Variants in TBL1Y observed in about 807,000 individuals in gnomAD.
TBL1Y encodes F-box-like/WD repeat-containing protein TBL1Y.
TBL1Y carries 15 observed loss-of-function variants against 12.0 expected under a neutral mutation model. The observed-to-expected ratio is 1.25, with a 90% confidence interval of 0.83 to 1.92. The LOEUF (loss-of-function observed/expected upper bound fraction) is 1.92, where lower values mean the gene tolerates loss of function less well. Ranked by LOEUF, TBL1Y falls within the 40% of genes most tolerant of loss-of-function variation. The probability of loss-of-function intolerance (pLI) is 0.00; values close to 1 mark genes in which losing one functional copy is unlikely to be tolerated. For missense variants in TBL1Y, 148 were observed against 116.7 expected (o/e 1.27, Z -1.24); for synonymous variants, 53 against 42.6 (o/e 1.24, Z -0.95).
At chrY:6,981,753 G>A in intron 3 of TBL1Y, among the ~76,000 whole-genome samples, 1 of 32,569 alleles carries the variant, frequency 3.1e-5, no homozygotes, top group African/African-American at 1.2e-4. Context: ...GGGTGTTGGT[G>A]GAGAAAGGAA....
Position 7,070,261 on chromosome Y carries a change from C to T in TBL1Y, c.523C>T (p.Leu175Phe). Residue 175 changes from leucine (L) to phenylalanine (F), a missense_variant, in exon 9 of 19, where the codon CTT (leucine) becomes TTT (phenylalanine). Transcript: ENST00000383032. ...GATTCCACCCAACAAAGCCACAGTC[C>T]TTCGGGGCCACGAGTCTGAGGTGTT... ...VEIPPNKATV[L>F]RGHESEVFIC... The T allele has an allele frequency of 2.5e-6, 1 of 397,872 alleles. No individual in the cohort carries two copies. The highest frequency in any genetic ancestry group is 3.5e-6 in the Non-Finnish European group (1 of 283,141).
chrY:7,066,620 C>T lies in TBL1Y; in HGVS notation c.457+2471C>T, dbSNP rs2124180602. 1.5e-4 allele frequency among the ~76,000 whole-genome samples: 5 copies of T among 33,080 alleles called. No individual in the cohort carries two copies. In the East Asian group the frequency reaches 4.0e-3, roughly 26 times the overall value. 88.8% of individuals were successfully genotyped at this position (33,080 alleles called of 37,273 possible). ...ACCTCAGGTGATCTGCCTGTCTCAG[C>T]TTCCCAAAGTGCTGGAATTACCGGC... On this transcript the variant is annotated intron_variant, in intron 8 of 18. Coordinates refer to ENST00000383032, the MANE Select transcript of TBL1Y (RefSeq NM_033284.2).
chrY:6,957,647 GA>G (rs2012078387), intron 2 of TBL1Y, among the ~76,000 whole-genome samples: 1 of 33,420 alleles, frequency 3.0e-5, no homozygotes, highest in Non-Finnish European at 7.4e-5. Flanking sequence ...CCAGAGGAAA[GA>G]AAAATGCAAT....
intron 4 of TBL1Y, among the ~76,000 whole-genome samples, chrY:7,012,382 A>G: frequency 3.0e-5 from 1 of 33,873 alleles, no homozygotes; most frequent in African/African-American, 1.2e-4. Flanking sequence ...GGAAAATTCT[A>G]TTAATAGGTA....
At chrY:6,933,189 C>T (rs1042247802) in intron 2 of TBL1Y, among the ~76,000 whole-genome samples, 2 of 33,762 alleles carry the variant, frequency 5.9e-5, no homozygotes, top group African/African-American at 1.2e-4. Context: ...CATGAGCCAC[C>T]GCTCCTGGCC....
At chrY:6,990,747 C>T (rs770954545) in intron 3 of TBL1Y, among the ~76,000 whole-genome samples, 4 of 30,369 alleles carry the variant, frequency 1.3e-4, no homozygotes, top group Non-Finnish European at 2.4e-4. Flanking sequence ...TTAGTAGAAA[C>T]GGGATTTCAC....
intron 2 of TBL1Y, among the ~76,000 whole-genome samples, chrY:6,965,944 A>G: frequency 8.8e-5 from 3 of 33,954 alleles, no homozygotes; most frequent in Non-Finnish European, 2.2e-4. Context: ...TGGGAGCCCA[A>G]GATATTTTTC....
chrY:7,021,994 C>T, intron 5 of TBL1Y, among the ~76,000 whole-genome samples: 2 of 33,186 alleles, frequency 6.0e-5, no homozygotes, highest in African/African-American at 2.4e-4. Flanking sequence ...TGCTAGTTAA[C>T]CGTGAAACTT....
chrY:7,025,065 C>T lies in TBL1Y; in HGVS notation c.-20C>T. The T allele has an allele frequency of 7.6e-6, 3 of 393,369 alleles. No homozygotes were observed. The highest frequency in any genetic ancestry group is 1.9e-4 in the East Asian group (2 of 10,773). ...GGTTCCAACTTCATCAATACCTCAT[C>T]GCCATGAGGTGAGGCTAAGATGAGC... On this transcript the variant is annotated 5_prime_UTR_variant, in exon 6 of 19. Coordinates refer to ENST00000383032, the MANE Select transcript of TBL1Y (RefSeq NM_033284.2).
chrY:6,951,324 G>T (rs2012022963), intron 2 of TBL1Y, among the ~76,000 whole-genome samples: 21 of 33,025 alleles, frequency 6.4e-4, no homozygotes, highest in Non-Finnish European at 1.5e-3. Context: ...ACTTTTTTTG[G>T]TTGGTAAGCT....
intron 2 of TBL1Y, among the ~76,000 whole-genome samples, chrY:6,915,738 C>T: frequency 3.0e-5 from 1 of 33,417 alleles, no homozygotes; most frequent in Admixed American, 2.7e-4. Flanking sequence ...ATTCTCTGCC[C>T]CACTCCTGCT....
At chrY:6,947,660 A>T in intron 2 of TBL1Y, among the ~76,000 whole-genome samples, 1 of 33,987 alleles carries the variant, frequency 2.9e-5, no homozygotes, top group African/African-American at 1.1e-4. Flanking sequence ...TGCTAAAGAC[A>T]AATGATGGGA....
At chrY:6,956,328 G>T (rs928686081) in intron 2 of TBL1Y, among the ~76,000 whole-genome samples, 13 of 33,124 alleles carry the variant, frequency 3.9e-4, no homozygotes, top group Admixed American at 3.5e-3. Context: ...CTGGAGTCAT[G>T]GGCCATAGTC....
chrY:6,976,079 T>G (rs2012238510), intron 2 of TBL1Y, among the ~76,000 whole-genome samples: 1 of 32,395 alleles, frequency 3.1e-5, no homozygotes, highest in Admixed American at 2.9e-4. Flanking sequence ...ATTACAGGTG[T>G]GTGCCACCAT....
intron 4 of TBL1Y, among the ~76,000 whole-genome samples, chrY:7,000,470 C>G: frequency 2.7e-4 from 9 of 33,690 alleles, no homozygotes; most frequent in African/African-American, 1.0e-3. Flanking sequence ...TGCTGATTCC[C>G]CAATTCTTGT....
intron 6 of TBL1Y, among the ~76,000 whole-genome samples, chrY:7,031,438 T>A (rs1046405110): frequency 1.5e-4 from 5 of 32,778 alleles, no homozygotes; most frequent in Non-Finnish European, 3.7e-4. Context: ...GTTGAGTGAG[T>A]GGTTCTTGTC....
At chrY:6,966,342 A>G in intron 2 of TBL1Y, among the ~76,000 whole-genome samples, 1 of 33,184 alleles carries the variant, frequency 3.0e-5, no homozygotes, top group Non-Finnish European at 7.4e-5. Flanking sequence ...AGCATGAGCC[A>G]CGGTGCCTCG....
chrY:7,048,640 T>C (rs967758150), intron 7 of TBL1Y, among the ~76,000 whole-genome samples: 34 of 30,969 alleles, frequency 1.1e-3, no homozygotes, highest in Non-Finnish European at 1.8e-3. Flanking sequence ...TAGCTAGGGG[T>C]GTGGCCAACT....
chrY:7,013,252 A>G, intron 4 of TBL1Y, among the ~76,000 whole-genome samples: 1 of 33,540 alleles, frequency 3.0e-5, no homozygotes, highest in South Asian at 6.8e-4. Context: ...CTACAACCCC[A>G]GCCTGCATGC....
Sources: gnomAD v4.1 joint callset for allele counts (sites outside exome capture counted in the v4.1 genomes callset) on GRCh38, gnomAD v4.1.1 for gene constraint, MANE v1.5 for transcripts, NCBI Gene and HGNC (gene_info 2026-07-23, HGNC 2026-07-21) for gene names.